The following PSMA1 variants were observed in gnomAD, a reference collection of about 807,000 sequenced individuals.
PSMA1 encodes proteasome subunit alpha type-1.
Under a neutral mutation model 38.4 loss-of-function variants are expected in PSMA1, and 3 were observed. The observed-to-expected ratio is 0.08, with a 90% CI of 0.04 to 0.20. The LOEUF (loss-of-function observed/expected upper bound fraction) is 0.20. PSMA1 is among the 10% of genes least tolerant of loss of function. PSMA1 has a pLI of 1.00. For synonymous variants in PSMA1, 101 were observed against 107.1 expected (o/e 0.94, Z 0.35); for missense variants, 227 against 325.3 (o/e 0.70, Z 2.32).
At position 14,514,490 on chromosome 11, in the gene PSMA1, T is replaced by C; in HGVS notation, c.256A>G (p.Asn86Asp). Reference sequence around the variant, plus strand: ...TCCAAACACTCCTGACGCATAAAATTACTAAAAAAGAAACAAAAAAAGTTT... The same window carrying C: ...TCCAAACACTCCTGACGCATAAAATCACTAAAAAAGAAACAAAAAAAGTTT... ...GLTADARLLC[N>D]FMRQECLDSR... Residue 86 changes from asparagine (N) to aspartate (D), a missense_variant and splice_region_variant, in exon 5 of 10, where the codon AAT becomes GAT. Physicochemically the swap from Asn to Asp is conservative, Grantham distance 23. Coordinates refer to ENST00000396394, the MANE Select transcript of PSMA1 (RefSeq NM_002786.4). The C allele has an allele frequency of 6.5e-7, 1 of 1,548,534 alleles. No homozygotes were observed. Among genetic ancestry groups the C allele is most frequent in the Non-Finnish European group, 8.7e-7 (1 of 1,154,302 alleles).
intron 1 of PSMA1, among the ~76,000 whole-genome samples, chr11:14,612,440 T>C (rs951950442): frequency 5.9e-5 from 9 of 152,170 alleles, no homozygotes; most frequent in Admixed American, 2.0e-4. Flanking sequence ...AATATATCTA[T>C]ATAAAATATA....
chr11:14,601,051 T>C (rs1852574995), intron 2 of PSMA1, among the ~76,000 whole-genome samples: 1 of 152,190 alleles, frequency 6.6e-6, no homozygotes, highest in Non-Finnish European at 1.5e-5. Flanking sequence ...TCCCAGTAAA[T>C]AGCATTATGT....
At chr11:14,535,284 T>C (rs1411406144) in intron 2 of PSMA1, among the ~76,000 whole-genome samples, 2 of 151,888 alleles carry the variant, frequency 1.3e-5, no homozygotes, top group South Asian at 2.1e-4. Flanking sequence ...CCTCCCTCAG[T>C]GTGTGACTAA....
chr11:14,506,004 T>C (rs1423885771), intron 9 of PSMA1, among the ~76,000 whole-genome samples: 2 of 152,150 alleles, frequency 1.3e-5, no homozygotes, highest in African/African-American at 4.8e-5. Flanking sequence ...GGGCAAGACC[T>C]TGTCTCAAAA....
chr11:14,642,043 A>G (rs1179290879), intron 1 of PSMA1, among the ~76,000 whole-genome samples: 2 of 152,342 alleles, frequency 1.3e-5, no homozygotes, highest in Non-Finnish European at 2.9e-5. Context: ...TACCGTTTCC[A>G]TGATCACGTG....
intron 2 of PSMA1, among the ~76,000 whole-genome samples, chr11:14,553,920 CATTTTACACTACCACCAGCG>C (rs1436102205): frequency 6.6e-6 from 1 of 152,008 alleles, no homozygotes; most frequent in East Asian, 1.9e-4. Flanking sequence ...GTGGCTATAC[CATTTTACACTACCACCAGCG>C]ATATATGAGA....
chr11:14,522,367 C>G (rs921795000), upstream of PSMA1, among the ~76,000 whole-genome samples: 3 of 152,024 alleles, frequency 2.0e-5, no homozygotes, highest in African/African-American at 7.2e-5. Flanking sequence ...TGCATAATTA[C>G]CTTACCTGAT....
chr11:14,579,486 CTTTTTTTTTTT>C (rs756980966), intron 2 of PSMA1, among the ~76,000 whole-genome samples: 79 of 112,504 alleles, frequency 7.0e-4, no homozygotes, highest in African/African-American at 2.6e-3. Flanking sequence ...GCTGCAAAGA[CTTTTTTTTTTT>C]TTTTTTTTTT....
chr11:14,527,413 A>G (rs975123331), intron 2 of PSMA1, among the ~76,000 whole-genome samples: 5 of 152,184 alleles, frequency 3.3e-5, no homozygotes, highest in Admixed American at 6.5e-5. Flanking sequence ...ATCATTTCAT[A>G]ACCTCTTCCA....
At chr11:14,623,064 C>G (rs1178900666) in intron 1 of PSMA1, among the ~76,000 whole-genome samples, 1 of 152,186 alleles carries the variant, frequency 6.6e-6, no homozygotes, top group Admixed American at 6.5e-5. Flanking sequence ...TATGTTAAAT[C>G]ACAAGGCTGT....
intron 2 of PSMA1, among the ~76,000 whole-genome samples, chr11:14,549,478 G>A (rs1327823372): frequency 6.6e-6 from 1 of 151,964 alleles, no homozygotes; most frequent in Non-Finnish European, 1.5e-5. Flanking sequence ...AAGGCAGGAG[G>A]ATCACAAGGT....
rs969027988 is a variant in PSMA1 at position 14,517,800 on chromosome 11, A to C, written c.151-55T>G. The stretch of plus-strand genomic sequence containing the variant: ...AAAAAAAAAAAGAGACAAATGTAAA[A>C]ATAAGTTTACAACCTTATTTTCTAT... On this transcript the variant is annotated intron_variant, in intron 3 of 9. Transcript: ENST00000396394. 4.6e-6 allele frequency: 7 copies of C among 1,530,814 alleles called. No homozygotes were observed. In the South Asian group the frequency reaches 8.5e-5, roughly 19 times the overall value. 94.8% of individuals were successfully genotyped at this position (1,530,814 alleles called of 1,614,324 possible).
At chr11:14,594,406 G>C (rs550230673) in intron 2 of PSMA1, among the ~76,000 whole-genome samples, 1 of 152,242 alleles carries the variant, frequency 6.6e-6, no homozygotes, top group East Asian at 1.9e-4. Context: ...TTGATAAATT[G>C]TTGGCACAGG....
At position 14,507,651 on chromosome 11, in the gene PSMA1, T is replaced by C. The variant is rs1851267680; in HGVS notation, c.735+5A>G. On this transcript the variant is annotated splice_donor_5th_base_variant and intron_variant, in intron 9 of 9. Transcript: ENST00000396394. ...ACTAAAGCCTCTTGTGTTATGATTA[T>C]ATACCTGTGCCTTTCTCTGTGGTCT... is the stretch of plus-strand genomic sequence containing the variant. 5 of 1,564,796 alleles carry C rather than the reference T, an allele frequency of 3.2e-6. No individual in the cohort carries two copies. The highest frequency in any genetic ancestry group is 4.4e-6 in the Non-Finnish European group (5 of 1,136,134).
At chr11:14,610,670 G>A (rs2134198364) in intron 2 of PSMA1, among the ~76,000 whole-genome samples, 1 of 152,034 alleles carries the variant, frequency 6.6e-6, no homozygotes, top group South Asian at 2.1e-4. Flanking sequence ...TCCCTCCTTT[G>A]TCCCATGACT....
intron 2 of PSMA1, among the ~76,000 whole-genome samples, chr11:14,568,410 G>A (rs1852099057): frequency 6.6e-6 from 1 of 152,196 alleles, no homozygotes; most frequent in Non-Finnish European, 1.5e-5. Flanking sequence ...ATATAAGATA[G>A]GCTACATTAG....
intron 1 of PSMA1, among the ~76,000 whole-genome samples, chr11:14,628,300 A>AGT (rs1852943164): frequency 2.0e-3 from 8 of 4,034 alleles, no homozygotes; most frequent in Non-Finnish European, 4.3e-3. Context: ...TATATCTCCC[A>AGT]ACTAGTCGCT....
chr11:14,619,732 A>C (rs1852818843), intron 1 of PSMA1, among the ~76,000 whole-genome samples: 1 of 152,174 alleles, frequency 6.6e-6, no homozygotes, highest in African/African-American at 2.4e-5. Flanking sequence ...GAGGTTAGAA[A>C]TCACTCTCTT....
At position 14,633,935 on chromosome 11, in the gene PSMA1, G is replaced by C. The variant is rs553344694; in HGVS notation, c.-166+9520C>G. On this transcript the variant is annotated intron_variant, in intron 1 of 10. Transcript: ENST00000418988. ...GTCTGTCACCCCTTTCTTTGACTCAGAAAGGGAACTCCCTGACCCCTTGCG... is the reference window on the plus strand; with the variant it reads ...GTCTGTCACCCCTTTCTTTGACTCACAAAGGGAACTCCCTGACCCCTTGCG... 8.9e-4 allele frequency among the ~76,000 whole-genome samples: 136 copies of C among 152,260 alleles called. 2 individuals are homozygous for C. Among genetic ancestry groups the C allele is most frequent in the Admixed American group, 1.5e-3 (23 of 15,296 alleles).
Sources: gnomAD v4.1 joint callset for allele counts (sites outside exome capture counted in the v4.1 genomes callset) on GRCh38, gnomAD v4.1.1 for gene constraint, MANE v1.5 for transcripts, NCBI Gene and HGNC (gene_info 2026-07-23, HGNC 2026-07-21) for gene names.